UNC13C: variants seen among roughly 807,000 people sequenced by gnomAD.
UNC13C encodes protein unc-13 homolog C.
A neutral mutation model predicts 245.4 loss-of-function variants in UNC13C; 174 were observed. The ratio of observed to expected loss-of-function variants is 0.71; its 90% CI spans 0.63 to 0.80. UNC13C has a LOEUF of 0.80. UNC13C is among the 30% of genes least tolerant of loss of function. The pLI is 0.00. For missense variants in UNC13C, 2,829 were observed against 2,602.9 expected (o/e 1.09, Z -1.89); for synonymous variants, 992 against 895.1 (o/e 1.11, Z -1.93).
chr15:54,423,816 CCTG>C (rs1486447993), intron 19 of UNC13C, among the ~76,000 whole-genome samples: 1 of 151,626 alleles, frequency 6.6e-6, no homozygotes, highest in African/African-American at 2.4e-5. Context: ...CTATCATTTT[CCTG>C]CTATTAGTTT....
the UNC13C span, among the ~76,000 whole-genome samples, chr15:53,919,249 A>G: frequency 6.6e-6 from 1 of 152,200 alleles, no homozygotes; most frequent in Non-Finnish European, 1.5e-5. Context: ...GTGGGGGTTA[A>G]TCATAATGCC....
At chr15:54,000,963 A>T (rs539433238) in intron 1 of UNC13C, among the ~76,000 whole-genome samples, 110 of 152,250 alleles carry the variant, frequency 7.2e-4, no homozygotes, top group South Asian at 2.7e-3. Flanking sequence ...ATACAAAAAA[A>T]TTTTTTTAGT....
chr15:54,253,794 A>C (rs1197215578), intron 8 of UNC13C, among the ~76,000 whole-genome samples: 1 of 152,188 alleles, frequency 6.6e-6, no homozygotes, highest in Admixed American at 6.5e-5. Flanking sequence ...GAGACATCAT[A>C]TGTAAAATAT....
At chr15:54,515,152 T>C (rs1253941272) in intron 24 of UNC13C, among the ~76,000 whole-genome samples, 1 of 152,148 alleles carries the variant, frequency 6.6e-6, no homozygotes, top group Non-Finnish European at 1.5e-5. Flanking sequence ...TCTGTTTTTT[T>C]AAAAAGCACC....
intron 19 of UNC13C, among the ~76,000 whole-genome samples, chr15:54,469,718 G>C (rs1892359035): frequency 6.6e-6 from 1 of 151,482 alleles, no homozygotes; most frequent in South Asian, 2.1e-4. Context: ...GGAATTTTTT[G>C]TGAGTATTTT....
intron 17 of UNC13C, among the ~76,000 whole-genome samples, chr15:54,343,022 T>C (rs1012487431): frequency 6.6e-6 from 1 of 152,214 alleles, no homozygotes; most frequent in African/African-American, 2.4e-5. Flanking sequence ...CTACTTTCCA[T>C]CTTCCTCCCA....
intron 30 of UNC13C, among the ~76,000 whole-genome samples, chr15:54,568,629 T>C (rs1250447697): frequency 6.6e-6 from 1 of 152,182 alleles, no homozygotes; most frequent in African/African-American, 2.4e-5. Context: ...TAAGAGATTA[T>C]TGAAAATGTC....
At chr15:54,224,017 C>T (rs769888606) in intron 4 of UNC13C, among the ~76,000 whole-genome samples, 1 of 152,006 alleles carries the variant, frequency 6.6e-6, no homozygotes, top group Non-Finnish European at 1.5e-5. Context: ...ATTTGTTGAT[C>T]AATTCTAACA....
intron 19 of UNC13C, among the ~76,000 whole-genome samples, chr15:54,443,705 G>A (rs959213375): frequency 2.6e-5 from 4 of 151,886 alleles, no homozygotes; most frequent in African/African-American, 9.7e-5. Context: ...TCATGTATTT[G>A]TGTAGTTTCC....
intron 19 of UNC13C, among the ~76,000 whole-genome samples, chr15:54,470,155 T>A (rs922161744): frequency 5.3e-5 from 8 of 151,636 alleles, no homozygotes; most frequent in Non-Finnish European, 8.9e-5. Context: ...CTGAATATAG[T>A]TTGCTAATAA....
At chr15:54,048,882 G>A (rs749104147) in intron 2 of UNC13C, 16 of 252,190 alleles carry the variant, frequency 6.3e-5, no homozygotes, top group Non-Finnish European at 1.2e-4. Context: ...TTTAGGCAAA[G>A]TGTCACTGTC....
chr15:54,494,590 T>C lies in UNC13C; in HGVS notation c.4934-18T>C, dbSNP rs758956892. On this transcript the variant is annotated intron_variant, in intron 19 of 32. Coordinates refer to ENST00000260323, the MANE Select transcript of UNC13C (RefSeq NM_001080534.3). ...GGCAAACCAAGCTTTATTAAATATT[T>C]AATTTTATCTGTTATAGAACATGAA... The C allele has an allele frequency of 6.4e-7, 1 of 1,555,470 alleles. No homozygotes were observed. The highest frequency in any genetic ancestry group is 2.3e-5 in the East Asian group (1 of 42,876).
At chr15:53,933,911 G>C in the UNC13C span, among the ~76,000 whole-genome samples, 2 of 152,150 alleles carry the variant, frequency 1.3e-5, no homozygotes, top group African/African-American at 4.8e-5. Context: ...CTGAGACTGG[G>C]TATTTTATAA....
chr15:54,543,873 G>A (rs1421845049), intron 26 of UNC13C, among the ~76,000 whole-genome samples: 2 of 152,122 alleles, frequency 1.3e-5, no homozygotes, highest in African/African-American at 4.8e-5. Context: ...GGTACAAAGA[G>A]GAGCTGATAC....
At chr15:54,035,940 T>A (rs1418666138) in intron 2 of UNC13C, among the ~76,000 whole-genome samples, 1 of 152,108 alleles carries the variant, frequency 6.6e-6, no homozygotes, top group Non-Finnish European at 1.5e-5. Context: ...CATTTCTGTC[T>A]TGAGAAGAAG....
chr15:53,973,454 A>G (rs1209734739), upstream of UNC13C, among the ~76,000 whole-genome samples: 1 of 152,160 alleles, frequency 6.6e-6, no homozygotes, highest in African/African-American at 2.4e-5. Context: ...AGAAATGTTA[A>G]GAAACTTTAC....
At chr15:54,305,286 G>T (rs1488646960) in intron 13 of UNC13C, among the ~76,000 whole-genome samples, 2 of 152,048 alleles carry the variant, frequency 1.3e-5, no homozygotes, top group Non-Finnish European at 2.9e-5. Flanking sequence ...TGATATAGGG[G>T]TCTATGTCAC....
chr15:54,608,046 C>T lies in UNC13C; in HGVS notation c.6107-14281C>T, dbSNP rs1899866673. Among the ~76,000 whole-genome samples, 4 of 152,138 alleles carry T rather than the reference C, an allele frequency of 2.6e-5. No homozygotes were observed. The South Asian group carries it at 8.3e-4, about 32-fold the overall frequency. On this transcript the variant is annotated intron_variant, in intron 30 of 32. Coordinates refer to ENST00000260323, the MANE Select transcript of UNC13C (RefSeq NM_001080534.3). ...AAAAAGCCAGTTTCTCTCCACTAAA[C>T]AGATGAAGTTCAAGATTTTTAGAAG...
chr15:54,571,898 T>C (rs1241373239), intron 30 of UNC13C, among the ~76,000 whole-genome samples: 1 of 152,218 alleles, frequency 6.6e-6, no homozygotes, highest in Admixed American at 6.5e-5. Flanking sequence ...TATACAGCAC[T>C]CCAGAGTTTC....
Sources: allele counts gnomAD v4.1 joint callset (sites outside exome capture counted in the v4.1 genomes callset), GRCh38; gene constraint gnomAD v4.1.1; transcripts MANE v1.5; gene names NCBI Gene and HGNC (gene_info 2026-07-23, HGNC 2026-07-21).